The following CPA6 variants were observed in gnomAD, a reference collection of about 807,000 sequenced individuals.
CPA6 encodes carboxypeptidase B.
Under a neutral mutation model 63.3 loss-of-function variants are expected in CPA6, and 58 were observed. That is an observed-to-expected ratio of 0.92 (90% confidence interval 0.74 to 1.14). CPA6 has a LOEUF of 1.14. Among genes scored for constraint, CPA6 ranks in the 50% most tolerant of loss-of-function variants. The probability of loss-of-function intolerance (pLI) is 0.00; values close to 1 mark genes in which losing one functional copy is unlikely to be tolerated. For missense variants in CPA6, 565 were observed against 526.6 expected, an observed-to-expected ratio of 1.07 and a Z score of -0.71; for synonymous variants, 185 against 179.0, an observed-to-expected ratio of 1.03 and a Z score of -0.27.
intron 1 of CPA6, among the ~76,000 whole-genome samples, chr8:67,668,487 T>C (rs1253302069): frequency 3.9e-5 from 6 of 152,230 alleles, no homozygotes; most frequent in South Asian, 2.1e-4. Context: ...GAATTATTTA[T>C]AAAGGCAGAG....
intron 2 of CPA6, among the ~76,000 whole-genome samples, chr8:67,558,757 T>C (rs1813128228): frequency 6.6e-6 from 1 of 152,214 alleles, no homozygotes; most frequent in African/African-American, 2.4e-5. Context: ...ACTGATGTGT[T>C]TGAACCAGGC....
At chr8:67,718,585 C>T (rs950905817) in intron 1 of CPA6, among the ~76,000 whole-genome samples, 3 of 151,804 alleles carry the variant, frequency 2.0e-5, no homozygotes, top group African/African-American at 4.8e-5. Context: ...GGACTGATAC[C>T]TTTCCCTAAG....
intron 2 of CPA6, among the ~76,000 whole-genome samples, chr8:67,528,099 C>T (rs1484425655): frequency 6.6e-6 from 1 of 152,208 alleles, no homozygotes; most frequent in Non-Finnish European, 1.5e-5. Context: ...GAGCTAAGTG[C>T]TGAGGGTACA....
chr8:67,444,015 G>A (rs537648979), intron 8 of CPA6, among the ~76,000 whole-genome samples: 1 of 146,794 alleles, frequency 6.8e-6, no homozygotes, highest in South Asian at 2.1e-4. Context: ...TTTCTGAGAC[G>A]GAGTCTCGCT....
At chr8:67,537,562 G>GC (rs748832892) in intron 2 of CPA6, among the ~76,000 whole-genome samples, 15 of 152,072 alleles carry the variant, frequency 9.9e-5, no homozygotes, top group South Asian at 6.2e-4. Context: ...TTTTTTTATT[G>GC]CATCTATTTG....
chr8:67,453,476 C>G (rs954119109), intron 8 of CPA6, among the ~76,000 whole-genome samples: 1 of 152,016 alleles, frequency 6.6e-6, no homozygotes, highest in African/African-American at 2.4e-5. Flanking sequence ...CTATTAGATA[C>G]CCCCAGTGAA....
intron 2 of CPA6, among the ~76,000 whole-genome samples, chr8:67,588,517 CAG>C (rs372937507): frequency 8.9e-4 from 135 of 152,176 alleles, no homozygotes; most frequent in African/African-American, 3.0e-3. Flanking sequence ...GCAATTTGTA[CAG>C]AGAGGGAAAA....
intron 1 of CPA6, among the ~76,000 whole-genome samples, chr8:67,718,643 G>A (rs1038866502): frequency 2.4e-4 from 37 of 151,678 alleles, no homozygotes; most frequent in Admixed American, 3.9e-4. Context: ...CACATAGACA[G>A]CTGAAGTTTT....
At chr8:67,522,341 A>T (rs1290164188) in intron 2 of CPA6, among the ~76,000 whole-genome samples, 1 of 152,022 alleles carries the variant, frequency 6.6e-6, no homozygotes, top group Admixed American at 6.5e-5. Flanking sequence ...TGGCTCAATA[A>T]AATTTTTCTC....
chr8:67,542,800 C>A (rs1267853261), intron 2 of CPA6, among the ~76,000 whole-genome samples: 3 of 152,166 alleles, frequency 2.0e-5, no homozygotes, highest in African/African-American at 4.8e-5. Context: ...CCCATATTCT[C>A]ACTCTAGGCT....
chr8:67,431,732 T>G (rs547536997), intron 9 of CPA6, among the ~76,000 whole-genome samples: 18 of 151,850 alleles, frequency 1.2e-4, no homozygotes, highest in African/African-American at 4.4e-4. Flanking sequence ...GCAGAGCAGC[T>G]AAAGAATAGC....
chr8:67,476,408 A>G (rs983387663), intron 8 of CPA6, among the ~76,000 whole-genome samples: 2 of 152,200 alleles, frequency 1.3e-5, no homozygotes, highest in Non-Finnish European at 2.9e-5. Flanking sequence ...GAGAATTCAT[A>G]ACCATATGCC....
chr8:67,604,824 C>T (rs1814587219), intron 2 of CPA6, among the ~76,000 whole-genome samples: 2 of 152,146 alleles, frequency 1.3e-5, no homozygotes, highest in Non-Finnish European at 2.9e-5. Flanking sequence ...TTTACCCGGG[C>T]TGGAGTGCAA....
intron 1 of CPA6, among the ~76,000 whole-genome samples, chr8:67,743,117 G>C (rs1230841124): frequency 2.0e-5 from 3 of 152,054 alleles, no homozygotes; most frequent in Non-Finnish European, 4.4e-5. Flanking sequence ...TGTTTGGCTT[G>C]GCATTTGTAA....
At chr8:67,739,808 G>A (rs1817879327) in intron 1 of CPA6, among the ~76,000 whole-genome samples, 1 of 152,094 alleles carries the variant, frequency 6.6e-6, no homozygotes, top group South Asian at 2.1e-4. Flanking sequence ...TTTGAGCAAG[G>A]GAGTGATATG....
At chr8:67,630,214 C>T (rs940248260) in intron 1 of CPA6, among the ~76,000 whole-genome samples, 2 of 152,040 alleles carry the variant, frequency 1.3e-5, no homozygotes, top group East Asian at 3.9e-4. Context: ...GAGCTTGTCC[C>T]TGCAGCTCAG....
Position 67,607,149 on chromosome 8 carries a change from C to T in CPA6, c.192+17027G>A, listed in dbSNP as rs1420527328. Among the ~76,000 whole-genome samples the T allele has an allele frequency of 3.1e-3, 192 of 62,370 alleles. 6 individuals carry two copies. The highest frequency in any genetic ancestry group is 5.5e-3 in the African/African-American group (63 of 11,434). 40.9% of individuals were successfully genotyped at this position (62,370 alleles called of 152,430 possible). ...CTCCTCCTCCTCCCCCTCCTCCCCC[C>T]CCTCCTCTTCTTCTTCTTCCTCTTC... On this transcript the variant is annotated intron_variant, in intron 2 of 10. Coordinates refer to ENST00000297770, the MANE Select transcript of CPA6 (RefSeq NM_020361.5).
chr8:67,554,991 C>T (rs72657217), intron 2 of CPA6, among the ~76,000 whole-genome samples: 15,921 of 152,196 alleles, frequency 0.1, 922 homozygotes, highest in Middle Eastern at 0.19. Context: ...TAGTTTTTTG[C>T]TATCAGCAGA....
At chr8:67,697,183 G>A (rs1816927504) in intron 1 of CPA6, among the ~76,000 whole-genome samples, 1 of 152,278 alleles carries the variant, frequency 6.6e-6, no homozygotes, top group East Asian at 1.9e-4. Flanking sequence ...GGGGACCCTG[G>A]GAACACCACG....
Sources: gnomAD v4.1 joint callset for allele counts (sites outside exome capture counted in the v4.1 genomes callset) on GRCh38, gnomAD v4.1.1 for gene constraint, MANE v1.5 for transcripts, NCBI Gene and HGNC (gene_info 2026-07-23, HGNC 2026-07-21) for gene names.